The following IQCK variants were observed in gnomAD, a reference collection of about 807,000 sequenced individuals.
IQCK encodes IQ domain-containing protein K.
A neutral mutation model predicts 28.1 loss-of-function variants in IQCK; 29 were observed. The ratio of observed to expected loss-of-function variants is 1.03; its 90% CI spans 0.77 to 1.41. The LOEUF (loss-of-function observed/expected upper bound fraction) is 1.41. IQCK is among the 40% of genes most tolerant of loss of function. IQCK has a pLI of 0.00. For synonymous variants in IQCK, 113 were observed against 115.1 expected (o/e 0.98, Z 0.12); for missense variants, 359 against 314.7 (o/e 1.14, Z -1.07).
intron 9 of IQCK, among the ~76,000 whole-genome samples, chr16:19,849,821 G>A (rs1322564829): frequency 1.3e-5 from 2 of 151,908 alleles, no homozygotes; most frequent in Non-Finnish European, 2.9e-5. Context: ...AGGAAGGCAG[G>A]GATGATTAAA....
At chr16:19,778,082 T>A (rs2055420329) in intron 6 of IQCK, among the ~76,000 whole-genome samples, 1 of 152,124 alleles carries the variant, frequency 6.6e-6, no homozygotes, top group African/African-American at 2.4e-5. Context: ...TCAGAGAGCC[T>A]GTGCGAAGCA....
At chr16:19,836,605 C>A (rs1390494397) in intron 9 of IQCK, among the ~76,000 whole-genome samples, 1 of 152,186 alleles carries the variant, frequency 6.6e-6, no homozygotes, top group East Asian at 1.9e-4. Context: ...CCTCCGCCTC[C>A]CGGGTTCAAG....
At chr16:19,736,047 T>C in intron 4 of IQCK, 1 of 453,006 alleles carries the variant, frequency 2.2e-6, no homozygotes, top group East Asian at 7.0e-5. Context: ...GCCTGGGCAA[T>C]AGCAAGACCC....
intron 7 of IQCK, among the ~76,000 whole-genome samples, chr16:19,806,588 C>T (rs2055837348): frequency 6.6e-6 from 1 of 151,596 alleles, no homozygotes; most frequent in Non-Finnish European, 1.5e-5. Flanking sequence ...TACTTGGGAA[C>T]CCGAGGTGGA....
At chr16:19,802,812 G>A (rs917511074) in intron 7 of IQCK, among the ~76,000 whole-genome samples, 4 of 152,176 alleles carry the variant, frequency 2.6e-5, no homozygotes, top group Non-Finnish European at 5.9e-5. Context: ...GTTGTCCCAC[G>A]TGTTTGGGTG....
Position 19,747,905 on chromosome 16 carries a change from G to T in IQCK, c.474+12455G>T, listed in dbSNP as rs757326659. Among the ~76,000 whole-genome samples the T allele has an allele frequency of 9.7e-4, 147 of 152,190 alleles. 1 individual carries two copies. Among genetic ancestry groups the T allele is most frequent in the Non-Finnish European group, 1.1e-3 (73 of 68,022 alleles). On this transcript the variant is annotated intron_variant, in intron 4 of 7. Coordinates refer to ENST00000564186, the Ensembl canonical transcript of IQCK. Reference sequence around the variant, plus strand: ...TGCAGATACAGGAAGGGTGGAGAATGGTGGCCCTTTTTGCAACTTACCGTA... The same window carrying T: ...TGCAGATACAGGAAGGGTGGAGAATTGTGGCCCTTTTTGCAACTTACCGTA...
intron 1 of IQCK, among the ~76,000 whole-genome samples, chr16:19,726,931 C>T (rs549123233): frequency 5.9e-5 from 9 of 152,058 alleles, no homozygotes; most frequent in South Asian, 2.1e-4. Flanking sequence ...ATCAGGAGTT[C>T]GAGACCAGCC....
exon 5 of IQCK, chr16:19,763,892 G>T: frequency 1.9e-6 from 3 of 1,613,724 alleles, no homozygotes; most frequent in Non-Finnish European, 2.5e-6. Flanking sequence ...TGACTGAGTG[G>T]TTATACAAGT....
intron 4 of IQCK, among the ~76,000 whole-genome samples, chr16:19,759,716 G>A (rs1242377614): frequency 6.6e-6 from 1 of 152,156 alleles, no homozygotes; most frequent in Non-Finnish European, 1.5e-5. Flanking sequence ...AGTGGTTCAT[G>A]TCTATAATCC....
chr16:19,768,760 C>T (rs1409028295), intron 6 of IQCK, among the ~76,000 whole-genome samples: 1 of 152,080 alleles, frequency 6.6e-6, no homozygotes, highest in Non-Finnish European at 1.5e-5. Flanking sequence ...AAACAAAAAA[C>T]AAACAAACAA....
chr16:19,802,983 C>T (rs893679930), intron 7 of IQCK, among the ~76,000 whole-genome samples: 2 of 152,124 alleles, frequency 1.3e-5, no homozygotes, highest in Admixed American at 6.6e-5. Context: ...GTGATGGTCT[C>T]GAGCTTCACT....
At chr16:19,736,728 T>C (rs1050938552) in intron 4 of IQCK, among the ~76,000 whole-genome samples, 2 of 151,834 alleles carry the variant, frequency 1.3e-5, no homozygotes, top group Non-Finnish European at 2.9e-5. Flanking sequence ...TCCCCAGCCA[T>C]GTGAGCTTCC....
At chr16:19,775,772 G>T (rs189994364) in intron 6 of IQCK, among the ~76,000 whole-genome samples, 1 of 146,300 alleles carries the variant, frequency 6.8e-6, no homozygotes, top group Admixed American at 6.8e-5. Flanking sequence ...TCTCTTTACA[G>T]AGCATGGCTT....
In IQCK at chr16:19,854,786, C is replaced by CCAGCATCTCAGGGATCGGTG. The variant is rs563609197; in HGVS notation, c.803-1701_803-1700insCAGCATCTCAGGGATCGGTG. On this transcript the variant is annotated intron_variant, in intron 9 of 9. Coordinates refer to the IQCK transcript ENST00000320394. The stretch of plus-strand genomic sequence containing the variant: ...CCAATCCCTGGGGAGCTGTTAATCA[C>CCAGCATCTCAGGGATCGGTG]AGCTAGTGGGACAGTCTTTAGGGAG... 1.1e-3 allele frequency among the ~76,000 whole-genome samples: 163 copies of CCAGCATCTCAGGGATCGGTG among 152,304 alleles called. 1 individual carries two copies. Among genetic ancestry groups the CCAGCATCTCAGGGATCGGTG allele is most frequent in the African/African-American group, 3.8e-3 (156 of 41,574 alleles).
At chr16:19,817,487 AAAATGAAGG>A (rs2056004598) in intron 7 of IQCK, among the ~76,000 whole-genome samples, 1 of 152,150 alleles carries the variant, frequency 6.6e-6, no homozygotes, top group African/African-American at 2.4e-5. Context: ...TCCTCACTTC[AAAATGAAGG>A]AAATTAAGGA....
chr16:19,805,664 A>G (rs1199158450), intron 7 of IQCK, among the ~76,000 whole-genome samples: 1 of 152,214 alleles, frequency 6.6e-6, no homozygotes, highest in Non-Finnish European at 1.5e-5. Context: ...AGCTCACAAT[A>G]TACATTTACA....
intron 7 of IQCK, among the ~76,000 whole-genome samples, chr16:19,809,667 G>C (rs1364336474): frequency 6.6e-6 from 1 of 152,178 alleles, no homozygotes; most frequent in Admixed American, 6.5e-5. Context: ...TGAGAAGCAC[G>C]ACAATGTTTT....
exon 10 of IQCK, chr16:19,858,328 GA>G (rs934779446): frequency 6.1e-5 from 27 of 441,730 alleles, no homozygotes; most frequent in South Asian, 1.3e-4. Flanking sequence ...TAAAAGGGGG[GA>G]AAAAGGTCTC....
At chr16:19,746,411 A>G (rs530576385) in intron 4 of IQCK, among the ~76,000 whole-genome samples, 1 of 152,142 alleles carries the variant, frequency 6.6e-6, no homozygotes, top group Admixed American at 6.5e-5. Flanking sequence ...CTGTTTTGCT[A>G]TCAAATAGTA....
Sources: gnomAD v4.1 joint callset for allele counts (sites outside exome capture counted in the v4.1 genomes callset) on GRCh38, gnomAD v4.1.1 for gene constraint, MANE v1.5 for transcripts, NCBI Gene and HGNC (gene_info 2026-07-23, HGNC 2026-07-21) for gene names.